RABEP1: variants seen among roughly 807,000 people sequenced by gnomAD.
RABEP1 encodes rab GTPase-binding effector protein 1.
Under a neutral mutation model 123.4 loss-of-function variants are expected in RABEP1, and 51 were observed. The ratio of observed to expected loss-of-function variants is 0.41; its 90% CI spans 0.33 to 0.52. RABEP1 has a LOEUF of 0.52. Ranked by LOEUF, RABEP1 falls within the 20% of genes least tolerant of loss-of-function variation. The pLI is 0.16. For synonymous variants in RABEP1, 347 were observed against 355.2 expected, an observed-to-expected ratio of 0.98 and a Z score of 0.26; for missense variants, 888 against 996.3, an observed-to-expected ratio of 0.89 and a Z score of 1.46.
Position 5,282,334 on chromosome 17 carries a change from C to T in RABEP1, c.-153C>T. ...CGGTCGGGTCCGTCTCTGCCCGCGGCTGTGGCGGCGCCGGCGGATCCAGCC... is the reference window on the plus strand; with the variant it reads ...CGGTCGGGTCCGTCTCTGCCCGCGGTTGTGGCGGCGCCGGCGGATCCAGCC... On this transcript the variant is annotated 5_prime_UTR_variant, in exon 1 of 18. Coordinates refer to ENST00000537505, the MANE Select transcript of RABEP1 (RefSeq NM_004703.6). 2 of 526,152 alleles carry T rather than the reference C, an allele frequency of 3.8e-6. No homozygotes were observed. 32.6% of individuals were successfully genotyped at this position (526,152 alleles called of 1,614,324 possible).
chr17:5,296,151 T>C (rs1159494876), intron 1 of RABEP1, among the ~76,000 whole-genome samples: 1 of 152,212 alleles, frequency 6.6e-6, no homozygotes, highest in Non-Finnish European at 1.5e-5. Flanking sequence ...TGGATTGTTA[T>C]TGTAGTATGT....
intron 10 of RABEP1, 37 bp downstream of exon 10, chr17:5,363,053 C>T (rs751414592): frequency 1.1e-5 from 17 of 1,489,952 alleles, no homozygotes; most frequent in African/African-American, 6.9e-5. Flanking sequence ...TGGATATTGT[C>T]GTTTTCATTG....
intron 5 of RABEP1, among the ~76,000 whole-genome samples, chr17:5,338,600 C>A (rs1311158030): frequency 6.6e-6 from 1 of 152,128 alleles, no homozygotes; most frequent in Non-Finnish European, 1.5e-5. Context: ...ATGCAAAAAA[C>A]TGCTTTGAGA....
chr17:5,382,795 C>G (rs1409433107), intron 17 of RABEP1, among the ~76,000 whole-genome samples: 1 of 151,484 alleles, frequency 6.6e-6, no homozygotes, highest in African/African-American at 2.4e-5. Context: ...TGGCAGGCAC[C>G]TGTAATCTCA....
intron 2 of RABEP1, among the ~76,000 whole-genome samples, chr17:5,320,259 C>T (rs1429602115): frequency 1.3e-5 from 2 of 151,390 alleles, no homozygotes; most frequent in South Asian, 2.1e-4. Flanking sequence ...AAAAATTTAA[C>T]ATCTAAGAAT....
At chr17:5,332,227 A>G in intron 3 of RABEP1, 75 bp downstream of exon 3, 1 of 1,334,154 alleles carries the variant, frequency 7.5e-7, no homozygotes, top group East Asian at 2.4e-5. Context: ...TTTTCAGAGA[A>G]TCTTAAAATA....
Position 5,351,883 on chromosome 17 carries a change from A to G in RABEP1, c.963+1254A>G, listed in dbSNP as rs1007709163. Among the ~76,000 whole-genome samples, 3 of 152,104 alleles carry G rather than the reference A, an allele frequency of 2.0e-5. No individual in the cohort carries two copies. In the East Asian group the frequency reaches 5.8e-4, roughly 29 times the overall value. ...CGTTGTATTTTGTTCTTGAGTGTAG[A>G]TGGATGCACCATATTGATTTACCCT... On this transcript the variant is annotated intron_variant, in intron 7 of 17. Transcript: ENST00000537505.
intron 8 of RABEP1, among the ~76,000 whole-genome samples, chr17:5,359,922 C>G (rs770479944): frequency 5.3e-5 from 8 of 152,148 alleles, no homozygotes; most frequent in Non-Finnish European, 5.9e-5. Context: ...CACTGGTTTG[C>G]TTTTTGCCTT....
At chr17:5,308,243 T>TTA (rs2075199386) in intron 1 of RABEP1, among the ~76,000 whole-genome samples, 2 of 151,406 alleles carry the variant, frequency 1.3e-5, no homozygotes, top group South Asian at 4.2e-4. Context: ...TTTTTTTTTT[T>TTA]GAGACAGAGT....
At chr17:5,363,037 C>A (rs1406831117) in intron 10 of RABEP1, 21 bp downstream of exon 10, 1 of 1,554,800 alleles carries the variant, frequency 6.4e-7, no homozygotes, top group Admixed American at 1.7e-5. Flanking sequence ...TCTGGATGCG[C>A]CAAATTGGAT....
intron 2 of RABEP1, among the ~76,000 whole-genome samples, chr17:5,311,787 C>T (rs991031424): frequency 2.7e-5 from 4 of 150,940 alleles, no homozygotes; most frequent in African/African-American, 9.7e-5. Context: ...TATTGGTTCT[C>T]ATTAAATCGT....
At chr17:5,299,808 C>T (rs1324981289) in intron 1 of RABEP1, among the ~76,000 whole-genome samples, 1 of 143,932 alleles carries the variant, frequency 6.9e-6, no homozygotes, top group Non-Finnish European at 1.5e-5. Context: ...CGGCTCACTG[C>T]AACCTCTGCC....
intron 1 of RABEP1, among the ~76,000 whole-genome samples, chr17:5,306,039 G>T (rs2075176513): frequency 6.6e-6 from 1 of 152,114 alleles, no homozygotes; most frequent in Non-Finnish European, 1.5e-5. Flanking sequence ...GGTCTCATGG[G>T]AATGAACACA....
At chr17:5,320,716 T>C (rs540284386) in intron 2 of RABEP1, among the ~76,000 whole-genome samples, 3 of 152,208 alleles carry the variant, frequency 2.0e-5, no homozygotes, top group Non-Finnish European at 2.9e-5. Context: ...AAGTAACTTG[T>C]TATCTACAAG....
chr17:5,362,789 G>A, intron 9 of RABEP1, 123 bp from the exon 10 acceptor site: 1 of 656,602 alleles, frequency 1.5e-6, no homozygotes, highest in Non-Finnish European at 2.7e-6. Flanking sequence ...TTGCCGTAAG[G>A]CCCTGAAGAA....
chr17:5,351,054 C>T (rs1452155363), intron 7 of RABEP1, among the ~76,000 whole-genome samples: 1 of 152,098 alleles, frequency 6.6e-6, no homozygotes, highest in Non-Finnish European at 1.5e-5. Flanking sequence ...TGTTTTAGCT[C>T]ATCAGCTATC....
At chr17:5,307,425 A>G (rs1223047273) in intron 1 of RABEP1, among the ~76,000 whole-genome samples, 1 of 152,206 alleles carries the variant, frequency 6.6e-6, no homozygotes, top group Non-Finnish European at 1.5e-5. Flanking sequence ...TCAGCTCTCA[A>G]TTAAATTGAG....
chr17:5,382,083 ATT>A (rs58178661), intron 17 of RABEP1, among the ~76,000 whole-genome samples: 3,817 of 143,042 alleles, frequency 0.027, 146 homozygotes, highest in African/African-American at 0.09. Flanking sequence ...GGAACTTCGG[ATT>A]TTTTTTTTTT....
intron 1 of RABEP1, among the ~76,000 whole-genome samples, chr17:5,295,895 A>C (rs1427975909): frequency 2.6e-5 from 4 of 152,128 alleles, no homozygotes; most frequent in Non-Finnish European, 5.9e-5. Flanking sequence ...GGGACTATTT[A>C]TTCCTTTAAA....
Sources: allele counts gnomAD v4.1 joint callset (sites outside exome capture counted in the v4.1 genomes callset), GRCh38; gene constraint gnomAD v4.1.1; transcripts MANE v1.5; gene names NCBI Gene and HGNC (gene_info 2026-07-23, HGNC 2026-07-21).